STEAP1B: variants seen among roughly 807,000 people sequenced by gnomAD.
The protein encoded by STEAP1B is STEAP family member 1B, also known as STEAP family protein MGC87042.
A neutral mutation model predicts 27.9 loss-of-function variants in STEAP1B; 13 were observed. The ratio of observed to expected loss-of-function variants is 0.47; its 90% CI spans 0.30 to 0.74. The LOEUF (loss-of-function observed/expected upper bound fraction) is 0.74, where lower values mean the gene tolerates loss of function less well. Ranked by LOEUF, STEAP1B falls within the 30% of genes least tolerant of loss-of-function variation. The pLI, the probability that STEAP1B is intolerant of heterozygous loss-of-function variation, is 0.06. For synonymous variants in STEAP1B, 86 were observed against 107.1 expected, an observed-to-expected ratio of 0.80 and a Z score of 1.22; for missense variants, 250 against 298.7, an observed-to-expected ratio of 0.84 and a Z score of 1.20.
intron 4 of STEAP1B, among the ~76,000 whole-genome samples, chr7:22,475,789 A>T (rs1300356948): frequency 6.6e-6 from 1 of 152,230 alleles, no homozygotes; most frequent in Non-Finnish European, 1.5e-5. Context: ...TGTGGAACAC[A>T]GGCTATCCAG....
At chr7:22,483,322 A>G (rs569721808) in intron 4 of STEAP1B, among the ~76,000 whole-genome samples, 12 of 152,280 alleles carry the variant, frequency 7.9e-5, no homozygotes, top group African/African-American at 2.9e-4. Context: ...GTTATTCCAC[A>G]TATGGATGAG....
chr7:22,471,769 G>A (rs1785888701), intron 4 of STEAP1B, among the ~76,000 whole-genome samples: 1 of 151,976 alleles, frequency 6.6e-6, no homozygotes, highest in Admixed American at 6.6e-5. Context: ...CAGATGTGGT[G>A]CTACATACTT....
intron 1 of STEAP1B, among the ~76,000 whole-genome samples, chr7:22,497,474 T>C (rs530496054): frequency 7.2e-5 from 11 of 152,298 alleles, no homozygotes; most frequent in African/African-American, 2.4e-4. Flanking sequence ...CCCTTTTTTT[T>C]TGGTTTAAGT....
intron 4 of STEAP1B, among the ~76,000 whole-genome samples, chr7:22,431,860 T>G (rs1044213902): frequency 6.6e-6 from 1 of 152,186 alleles, no homozygotes; most frequent in African/African-American, 2.4e-5. Flanking sequence ...CAGGCTCTGG[T>G]AACATTATTC....
At chr7:22,447,985 A>G (rs1440512531) in intron 4 of STEAP1B, among the ~76,000 whole-genome samples, 1 of 152,212 alleles carries the variant, frequency 6.6e-6, no homozygotes, top group Non-Finnish European at 1.5e-5. Context: ...CATTTACCCT[A>G]GAAGGGATTT....
intron 4 of STEAP1B, among the ~76,000 whole-genome samples, chr7:22,428,648 C>A (rs1420278351): frequency 1.3e-5 from 2 of 152,012 alleles, no homozygotes; most frequent in Non-Finnish European, 2.9e-5. Context: ...CAAATGAAAT[C>A]TACCAATATT....
At chr7:22,492,345 A>T in intron 4 of STEAP1B, 6 of 287,436 alleles carry the variant, frequency 2.1e-5, no homozygotes, top group Admixed American at 6.2e-5. Context: ...AAAAAAAAAA[A>T]AAGGATATTT....
chr7:22,426,158 G>A (rs1168266585), intron 4 of STEAP1B, among the ~76,000 whole-genome samples: 1 of 150,790 alleles, frequency 6.6e-6, no homozygotes, highest in Non-Finnish European at 1.5e-5. Context: ...TAAAACTTTG[G>A]TTAAGTCAAT....
intron 4 of STEAP1B, among the ~76,000 whole-genome samples, chr7:22,440,928 A>C (rs1396621649): frequency 6.6e-6 from 1 of 150,820 alleles, no homozygotes; most frequent in Non-Finnish European, 1.5e-5. Context: ...TTGTGCTTTA[A>C]TATTCTATTT....
In STEAP1B at chr7:22,493,692, T is replaced by C; in HGVS notation, c.229A>G (p.Ile77Val). 6.2e-7 allele frequency: 1 copy of C among 1,614,018 alleles called. No individual in the cohort carries two copies. Among genetic ancestry groups the C allele is most frequent in the East Asian group, 2.2e-5 (1 of 44,888 alleles). Residue 77 changes from isoleucine to valine, a missense_variant, in exon 3 of 5, where the codon ATA becomes GTA. Transcript: ENST00000678116. ...LFPQWHLPIK[I>V]AAVMASLTFL... is the part of the protein sequence containing the mutation. ...GTCAGAGATGCCATAACAGCAGCTATTTTAATTGGCAAGTGCCACTGTGGA... is the reference window on the plus strand; with the variant it reads ...GTCAGAGATGCCATAACAGCAGCTACTTTAATTGGCAAGTGCCACTGTGGA...
chr7:22,422,736 C>G (rs1053740582), intron 4 of STEAP1B, among the ~76,000 whole-genome samples: 1 of 152,122 alleles, frequency 6.6e-6, no homozygotes, highest in Admixed American at 6.6e-5. Context: ...CTCAGGTGAT[C>G]CACCTGCCTC....
chr7:22,495,845 T>C (rs370203415), intron 1 of STEAP1B, among the ~76,000 whole-genome samples: 11 of 152,344 alleles, frequency 7.2e-5, no homozygotes, highest in African/African-American at 2.4e-4. Flanking sequence ...ACTGACTGCA[T>C]ATGTAACAGT....
At chr7:22,463,129 A>G (rs991680066) in intron 4 of STEAP1B, among the ~76,000 whole-genome samples, 1 of 152,076 alleles carries the variant, frequency 6.6e-6, no homozygotes, top group Non-Finnish European at 1.5e-5. Context: ...AAATCAATGT[A>G]CAAAAATCAC....
intron 4 of STEAP1B, among the ~76,000 whole-genome samples, chr7:22,423,045 T>G (rs1305170385): frequency 6.6e-6 from 1 of 152,190 alleles, no homozygotes; most frequent in African/African-American, 2.4e-5. Context: ...GGAAATTATT[T>G]TAAATCCTTG....
intron 4 of STEAP1B, among the ~76,000 whole-genome samples, chr7:22,431,482 G>T (rs1785186476): frequency 6.6e-6 from 1 of 152,208 alleles, no homozygotes. Flanking sequence ...GCCTGGCGAT[G>T]AAGTATGTTG....
chr7:22,439,023 CT>C (rs1785292522), intron 4 of STEAP1B, among the ~76,000 whole-genome samples: 1 of 152,134 alleles, frequency 6.6e-6, no homozygotes, highest in Non-Finnish European at 1.5e-5. Context: ...CAATATGTAA[CT>C]TGTAAATGAT....
intron 4 of STEAP1B, among the ~76,000 whole-genome samples, chr7:22,449,919 T>G (rs1354658471): frequency 2.6e-5 from 4 of 152,262 alleles, no homozygotes; most frequent in African/African-American, 4.8e-5. Context: ...CCTTTTCATA[T>G]GCCTGTCTGC....
chr7:22,449,917 T>C (rs1383850225), intron 4 of STEAP1B, among the ~76,000 whole-genome samples: 3 of 152,250 alleles, frequency 2.0e-5, no homozygotes, highest in Admixed American at 2.0e-4. Flanking sequence ...CACCTTTTCA[T>C]ATGCCTGTCT....
chr7:22,491,380 A>G (rs781533005), intron 4 of STEAP1B, among the ~76,000 whole-genome samples: 2 of 152,226 alleles, frequency 1.3e-5, no homozygotes, highest in African/African-American at 4.8e-5. Context: ...TGGCTAGATA[A>G]TATGTGTTAC....
Sources: gnomAD v4.1 joint callset for allele counts (sites outside exome capture counted in the v4.1 genomes callset) on GRCh38, gnomAD v4.1.1 for gene constraint, MANE v1.5 for transcripts, NCBI Gene and HGNC (gene_info 2026-07-23, HGNC 2026-07-21) for gene names.